WDR70: variants seen among roughly 807,000 people sequenced by gnomAD.
The protein encoded by WDR70 is WD repeat domain 70.
WDR70 carries 53 observed loss-of-function variants against 88.6 expected under a neutral mutation model. That is an observed-to-expected ratio of 0.60 (90% CI 0.48 to 0.75). The LOEUF (loss-of-function observed/expected upper bound fraction) is 0.75, where lower values mean the gene tolerates loss of function less well. Ranked by LOEUF, WDR70 falls within the 30% of genes least tolerant of loss-of-function variation. The probability of loss-of-function intolerance (pLI) is 0.00; values close to 1 mark genes in which losing one functional copy is unlikely to be tolerated. For synonymous variants in WDR70, 280 were observed against 270.0 expected (o/e 1.04, Z -0.36); for missense variants, 610 against 823.2 (o/e 0.74, Z 3.17).
chr5:37,689,645 A>G (rs1746723859), intron 10 of WDR70, among the ~76,000 whole-genome samples: 1 of 152,230 alleles, frequency 6.6e-6, no homozygotes, highest in African/African-American at 2.4e-5. Context: ...AAACTAACAA[A>G]CAGAAAGGAA....
chr5:37,591,243 G>A (rs987612853), intron 9 of WDR70, among the ~76,000 whole-genome samples: 3 of 152,124 alleles, frequency 2.0e-5, no homozygotes, highest in African/African-American at 7.2e-5. Context: ...CAAGGCAGGA[G>A]AATCTCTCGA....
At chr5:37,505,704 G>T (rs531592470) in intron 8 of WDR70, 1 of 997,036 alleles carries the variant, frequency 1.0e-6, no homozygotes, top group African/African-American at 1.6e-5. Context: ...GACATTTTGC[G>T]ACATGTATAG....
chr5:37,525,305 A>G (rs1171016885), intron 9 of WDR70, among the ~76,000 whole-genome samples: 1 of 152,226 alleles, frequency 6.6e-6, no homozygotes, highest in African/African-American at 2.4e-5. Context: ...CAATCAAACT[A>G]GAACTCAGGA....
At chr5:37,484,382 G>A (rs1326892136) in intron 8 of WDR70, among the ~76,000 whole-genome samples, 4 of 152,320 alleles carry the variant, frequency 2.6e-5, no homozygotes, top group South Asian at 2.1e-4. Context: ...GCGAAACCCT[G>A]TCTCCACCAA....
chr5:37,483,583 G>A (rs992087548), intron 8 of WDR70, among the ~76,000 whole-genome samples: 4 of 151,976 alleles, frequency 2.6e-5, no homozygotes, highest in African/African-American at 9.7e-5. Flanking sequence ...AACCGCCATC[G>A]TCATCATAGC....
intron 7 of WDR70, among the ~76,000 whole-genome samples, chr5:37,461,035 C>A (rs1334282489): frequency 6.8e-6 from 1 of 147,988 alleles, no homozygotes; most frequent in Admixed American, 6.7e-5. Context: ...TTTTATTTTG[C>A]TCAGGATGCA....
intron 9 of WDR70, among the ~76,000 whole-genome samples, chr5:37,573,634 G>C (rs1742975876): frequency 6.8e-6 from 1 of 147,942 alleles, no homozygotes; most frequent in South Asian, 2.1e-4. Context: ...TGCGGTGTTT[G>C]GTTTTTTGTC....
intron 5 of WDR70, among the ~76,000 whole-genome samples, chr5:37,423,771 CCAGGCTGTTCT>C (rs1183808611): frequency 6.8e-6 from 1 of 147,342 alleles, no homozygotes; most frequent in Non-Finnish European, 1.5e-5. Flanking sequence ...TCACTGTTGG[CCAGGCTGTTCT>C]CAAACTCCTG....
chr5:37,591,833 A>G (rs570764946), intron 9 of WDR70, among the ~76,000 whole-genome samples: 48 of 152,372 alleles, frequency 3.2e-4, no homozygotes, highest in Admixed American at 7.2e-4. Context: ...ATACATCATG[A>G]TTAAGTCATA....
chr5:37,595,764 T>C (rs1005678879), intron 9 of WDR70, among the ~76,000 whole-genome samples: 4 of 152,192 alleles, frequency 2.6e-5, no homozygotes, highest in Admixed American at 2.6e-4. Flanking sequence ...GTTTTTGTTT[T>C]GTTTTGTTTA....
intron 9 of WDR70, among the ~76,000 whole-genome samples, chr5:37,527,036 A>G (rs200621758): frequency 6.6e-6 from 1 of 152,204 alleles, no homozygotes; most frequent in East Asian, 1.9e-4. Context: ...AATCAATATC[A>G]TGAAAATGGC....
intron 10 of WDR70, among the ~76,000 whole-genome samples, chr5:37,650,862 C>T (rs1158764818): frequency 6.6e-6 from 1 of 152,070 alleles, no homozygotes; most frequent in Non-Finnish European, 1.5e-5. Context: ...TTCTTTATAA[C>T]TACTACCCAT....
chr5:37,527,302 A>C (rs917726970), intron 9 of WDR70, among the ~76,000 whole-genome samples: 13 of 152,312 alleles, frequency 8.5e-5, no homozygotes, highest in Admixed American at 2.6e-4. Flanking sequence ...CCAATGGAAC[A>C]AATCAGAGCC....
intron 7 of WDR70, among the ~76,000 whole-genome samples, chr5:37,446,236 T>C (rs528622456): frequency 1.3e-5 from 2 of 152,232 alleles, no homozygotes; most frequent in East Asian, 1.9e-4. Context: ...TTACAAGGGA[T>C]GTGAAGGACC....
chr5:37,589,357 A>ATCTC (rs1743462231), intron 9 of WDR70, among the ~76,000 whole-genome samples: 1 of 151,944 alleles, frequency 6.6e-6, no homozygotes, highest in African/African-American at 2.4e-5. Flanking sequence ...CATAATATAT[A>ATCTC]TGTTTATGTA....
intron 10 of WDR70, among the ~76,000 whole-genome samples, chr5:37,661,927 G>A (rs982965814): frequency 6.6e-6 from 1 of 152,172 alleles, no homozygotes; most frequent in African/African-American, 2.4e-5. Flanking sequence ...TTCTAATCTT[G>A]TAACTAATTT....
rs879831541 is a variant in WDR70 at position 37,608,549 on chromosome 5, A to AT, written c.1092+3324dup. On this transcript the variant is annotated intron_variant, in intron 10 of 17. Coordinates refer to ENST00000265107, the MANE Select transcript of WDR70 (RefSeq NM_018034.4). ...GACCTGCTGTACTGTATGTTTCACT[A>AT]TTTTTTTTTTTTTGTTTAACTTTTG... Among the ~76,000 whole-genome samples, 451 of 141,422 alleles carry AT rather than the reference A, an allele frequency of 3.2e-3. 3 individuals carry two copies. The highest frequency in any genetic ancestry group is 0.012 in the East Asian group (56 of 4,852). 92.8% of individuals were successfully genotyped at this position (141,422 alleles called of 152,430 possible).
intron 9 of WDR70, among the ~76,000 whole-genome samples, chr5:37,533,101 C>T (rs1417745484): frequency 6.6e-6 from 1 of 152,168 alleles, no homozygotes; most frequent in Non-Finnish European, 1.5e-5. Context: ...GCAAAGAGTC[C>T]TGTGATATGA....
At chr5:37,453,871 C>T (rs1738751266) in intron 7 of WDR70, among the ~76,000 whole-genome samples, 2 of 152,172 alleles carry the variant, frequency 1.3e-5, no homozygotes, top group Admixed American at 1.3e-4. Flanking sequence ...GACCTTTCCT[C>T]ACCATACTGT....
Sources: gnomAD v4.1 joint callset for allele counts (sites outside exome capture counted in the v4.1 genomes callset) on GRCh38, gnomAD v4.1.1 for gene constraint, MANE v1.5 for transcripts, NCBI Gene and HGNC (gene_info 2026-07-23, HGNC 2026-07-21) for gene names.